Variants in MAML3 observed in about 807,000 individuals in gnomAD.
The protein encoded by MAML3 is mastermind like transcriptional coactivator 3.
A neutral mutation model predicts 101.9 loss-of-function variants in MAML3; 27 were observed. That is an observed-to-expected ratio of 0.27 (90% CI 0.20 to 0.37). The LOEUF is 0.37. MAML3 is among the 10% of genes least tolerant of loss of function. The pLI is 1.00. For synonymous variants in MAML3, 501 were observed against 555.9 expected (o/e 0.90, Z 1.39); for missense variants, 1,316 against 1,444.9 (o/e 0.91, Z 1.45).
rs1734812174 is a variant in MAML3 at position 139,996,325 on chromosome 4, T to C, written c.469-105358A>G. Among the ~76,000 whole-genome samples, 3 of 152,188 alleles carry C rather than the reference T, an allele frequency of 2.0e-5. No homozygotes were observed. In the South Asian group the frequency reaches 6.2e-4, roughly 31 times the overall value. On this transcript the variant is annotated intron_variant, in intron 1 of 4. Transcript: ENST00000509479. ...TTGGTGATTAGAGAAAGCCCTGCTT[T>C]CTAGTTATCCTATCAAATAGTGAGA...
At chr4:139,745,581 G>A (rs949903239) in intron 2 of MAML3, among the ~76,000 whole-genome samples, 6 of 152,034 alleles carry the variant, frequency 3.9e-5, no homozygotes, top group Non-Finnish European at 8.8e-5. Context: ...GTCATTTTCC[G>A]GTCTGGGATC....
intron 1 of MAML3, among the ~76,000 whole-genome samples, chr4:140,143,268 C>T (rs1328409373): frequency 6.6e-6 from 1 of 152,198 alleles, no homozygotes; most frequent in Non-Finnish European, 1.5e-5. Context: ...TTGCTCAGTA[C>T]ATGTTCAGGA....
Position 139,889,844 on chromosome 4 carries a change from G to T in MAML3, c.1592C>A (p.Ala531Asp), listed in dbSNP as rs972210527. Reference sequence around the variant, plus strand: ...GCTATTTGGTTTTTCTGCAGTAAAAGCTGCTCCATATGGACTAGAGGGAGG... The same window carrying T: ...GCTATTTGGTTTTTCTGCAGTAAAATCTGCTCCATATGGACTAGAGGGAGG... The part of the protein sequence containing the change: ...LGPPSSPYGA[A>D]FTAEKPNSPM... Residue 531 changes from alanine (A) to aspartate (D), a missense_variant, in exon 2 of 5, where the codon GCT becomes GAT. Physicochemically the swap from Ala to Asp is moderately radical, Grantham distance 126 (BLOSUM62 -2). Transcript: ENST00000509479. The T allele has an allele frequency of 6.8e-6, 11 of 1,613,624 alleles. No individual in the cohort carries two copies. Among genetic ancestry groups the T allele is most frequent in the Non-Finnish European group, 9.3e-6 (11 of 1,179,888 alleles).
chr4:139,723,274 G>C (rs761209491), intron 4 of MAML3, among the ~76,000 whole-genome samples: 4 of 152,162 alleles, frequency 2.6e-5, no homozygotes, highest in Non-Finnish European at 2.9e-5. Flanking sequence ...TCTGGATGGT[G>C]GGATTTCAGG....
At chr4:140,059,539 A>C (rs1165507663) in intron 1 of MAML3, among the ~76,000 whole-genome samples, 1 of 152,244 alleles carries the variant, frequency 6.6e-6, no homozygotes, top group African/African-American at 2.4e-5. Flanking sequence ...TCTGATTATT[A>C]AGGAGATTTT....
chr4:139,719,772 G>T lies in MAML3; in HGVS notation c.2968C>A (p.Leu990Ile). 1 of 1,613,712 alleles carries T rather than the reference G, an allele frequency of 6.2e-7. No homozygotes were observed. Among genetic ancestry groups the T allele is most frequent in the Non-Finnish European group, 8.5e-7 (1 of 1,179,894 alleles). ...GTCAGTCTCGGCTGCCCAGCTTGAA[G>T]AGGGTAGCTGGCGCCATTGTTGAAT... Reference protein sequence around the residue: ...GPFNNGASYPLQAGQPRLTKQ... With the variant: ...GPFNNGASYPIQAGQPRLTKQ... The change falls in exon 5 of 5, where the codon CTT becomes ATT. Residue 990 changes from leucine to isoleucine, a missense_variant. Leu to Ile is a conservative substitution (Grantham distance 5). Transcript: ENST00000509479.
chr4:140,074,233 G>GAAAT (rs1727727163), intron 1 of MAML3, among the ~76,000 whole-genome samples: 4 of 140,808 alleles, frequency 2.8e-5, no homozygotes, highest in Non-Finnish European at 6.4e-5. Flanking sequence ...AAGAAAGAAA[G>GAAAT]AAAGAAAGAA....
chr4:139,851,011 T>C (rs1731538133), intron 2 of MAML3, among the ~76,000 whole-genome samples: 1 of 152,202 alleles, frequency 6.6e-6, no homozygotes, highest in South Asian at 2.1e-4. Context: ...TGGGAAATTA[T>C]GGTAATTTTA....
rs181709171 is a variant in MAML3 at position 140,030,824 on chromosome 4, G to T, written c.468+122036C>A. On this transcript the variant is annotated intron_variant, in intron 1 of 4. Transcript: ENST00000509479. ...ACAGAGGAGACATTCTAAACCCCAG[G>T]GATGGTAAAAATCATCATCATTATT... 2.0e-3 allele frequency among the ~76,000 whole-genome samples: 306 copies of T among 152,158 alleles called. 1 individual carries two copies. Among genetic ancestry groups the T allele is most frequent in the African/African-American group, 7.0e-3 (290 of 41,512 alleles).
At chr4:139,968,725 T>C (rs1424273718) in intron 1 of MAML3, among the ~76,000 whole-genome samples, 4 of 152,126 alleles carry the variant, frequency 2.6e-5, no homozygotes, top group African/African-American at 7.2e-5. Flanking sequence ...ATCCTGTAGT[T>C]CCACTCCAGA....
At chr4:139,963,252 T>C (rs1461082914) in intron 1 of MAML3, among the ~76,000 whole-genome samples, 1 of 152,156 alleles carries the variant, frequency 6.6e-6, no homozygotes, top group East Asian at 1.9e-4. Context: ...GACCCCTTTG[T>C]CTTAACTAAC....
At chr4:140,106,080 T>C (rs1473515003) in intron 1 of MAML3, among the ~76,000 whole-genome samples, 4 of 134,044 alleles carry the variant, frequency 3.0e-5, no homozygotes, top group Non-Finnish European at 6.1e-5. Context: ...TCGTCGTCTT[T>C]ACTTCAGGAA....
chr4:140,045,152 T>G (rs910840665), intron 1 of MAML3, among the ~76,000 whole-genome samples: 16 of 152,220 alleles, frequency 1.1e-4, no homozygotes, highest in African/African-American at 3.1e-4. Flanking sequence ...TCCAACACTT[T>G]GGGAGGCCAA....
At chr4:139,901,795 A>C (rs1205377068) in intron 1 of MAML3, among the ~76,000 whole-genome samples, 1 of 152,216 alleles carries the variant, frequency 6.6e-6, no homozygotes, top group Non-Finnish European at 1.5e-5. Flanking sequence ...GCAATATTTC[A>C]GGGAGGCTGA....
chr4:139,969,471 CT>C (rs1734197401), intron 1 of MAML3, among the ~76,000 whole-genome samples: 2 of 152,208 alleles, frequency 1.3e-5, no homozygotes, highest in South Asian at 4.1e-4. Flanking sequence ...TCAGCACATT[CT>C]TTTGTCAAGG....
chr4:140,011,344 T>G (rs1430760440), intron 1 of MAML3, among the ~76,000 whole-genome samples: 3 of 130,908 alleles, frequency 2.3e-5, no homozygotes, highest in Non-Finnish European at 5.0e-5. Flanking sequence ...CTTGTTTTGT[T>G]TTTTTTTTTT....
chr4:139,999,882 C>A (rs1734888923), intron 1 of MAML3, among the ~76,000 whole-genome samples: 1 of 152,130 alleles, frequency 6.6e-6, no homozygotes, highest in South Asian at 2.1e-4. Flanking sequence ...CAGTAAATGA[C>A]CCACGATTCA....
In MAML3 at chr4:139,719,714, G is replaced by T; in HGVS notation, c.3026C>A (p.Ser1009Ter). The change falls in exon 5 of 5, where the codon TCA (serine) becomes TAA (stop). Residue 1009 changes from serine (S) to a stop codon, truncating the protein, a stop_gained. Coordinates refer to ENST00000509479, the MANE Select transcript of MAML3 (RefSeq NM_018717.5). LOFTEE classifies it high-confidence loss of function. Reference sequence around the variant, plus strand: ...TGTGCCCGTGTTAGCATCCACGACTGACTGGCTCAGTCCCTGTGGGAAGTG... The same window carrying T: ...TGTGCCCGTGTTAGCATCCACGACTTACTGGCTCAGTCCCTGTGGGAAGTG... ...KQHFPQGLSQ[S>*]VVDANTGTVR... 6.2e-7 allele frequency: 1 copy of T among 1,613,674 alleles called. No homozygotes were observed. The highest frequency in any genetic ancestry group is 8.5e-7 in the Non-Finnish European group (1 of 1,179,820).
chr4:140,121,487 G>C (rs1560900126), intron 1 of MAML3, among the ~76,000 whole-genome samples: 1 of 152,166 alleles, frequency 6.6e-6, no homozygotes, highest in Non-Finnish European at 1.5e-5. Flanking sequence ...CTTTGAAAGG[G>C]AAAAAGAGGT....
Sources: gnomAD v4.1 joint callset for allele counts (sites outside exome capture counted in the v4.1 genomes callset) on GRCh38, gnomAD v4.1.1 for gene constraint, MANE v1.5 for transcripts, NCBI Gene and HGNC (gene_info 2026-07-23, HGNC 2026-07-21) for gene names.